DLGAP4: variants seen among roughly 807,000 people sequenced by gnomAD.
DLGAP4 encodes DLG associated protein 4.
A neutral mutation model predicts 86.9 loss-of-function variants in DLGAP4; 18 were observed. That is an observed-to-expected ratio of 0.21 (90% CI 0.14 to 0.31). The LOEUF is 0.31. DLGAP4 is among the 10% of genes least tolerant of loss of function. The probability of loss-of-function intolerance (pLI) is 1.00; values close to 1 mark genes in which losing one functional copy is unlikely to be tolerated. For synonymous variants in DLGAP4, 548 were observed against 574.3 expected (o/e 0.95, Z 0.65); for missense variants, 1,085 against 1,362.6 (o/e 0.80, Z 3.21).
chr20:36,403,446 C>T (rs6031798), intron 2 of DLGAP4, among the ~76,000 whole-genome samples: 8,003 of 152,242 alleles, frequency 0.053, 669 homozygotes, highest in African/African-American at 0.18. Flanking sequence ...TAGCAGAATG[C>T]AATCCCTGCA....
Position 36,500,419 on chromosome 20 carries a change from G to T in DLGAP4, c.2320G>T (p.Ala774Ser). ...YGDNSDPALEASSLPPPDPWL... is the reference protein window; with the variant it reads ...YGDNSDPALESSSLPPPDPWL... ...AGACAACAGCGACCCTGCCCTAGAG[G>T]CGTCCTCGCTGCCCCCACCCGACCC... The change falls in exon 10 of 13, where the codon GCG (alanine) becomes TCG (serine). Residue 774 changes from alanine (A) to serine (S), a missense_variant. This residue lies in a region of DLGAP4 where 1,082 missense variants were observed against 1,344.1 expected (regional missense o/e 0.81). Transcript: ENST00000339266. This position sits in a 1 kb window ranked among gnomAD's most constrained non-coding sequence, Gnocchi z 4.6. 1 of 1,580,148 alleles carries T rather than the reference G, an allele frequency of 6.3e-7. No homozygotes were observed. Among genetic ancestry groups the T allele is most frequent in the Non-Finnish European group, 8.6e-7 (1 of 1,160,678 alleles).
intron 6 of DLGAP4, 38 bp downstream of exon 6, chr20:36,442,815 G>A: frequency 4.3e-6 from 7 of 1,613,992 alleles, no homozygotes; most frequent in Non-Finnish European, 5.9e-6. Flanking sequence ...CCCAATCCCA[G>A]AGTGTAGGCC....
chr20:36,408,223 A>T (rs1052159136), intron 2 of DLGAP4, among the ~76,000 whole-genome samples: 4 of 151,972 alleles, frequency 2.6e-5, no homozygotes, highest in African/African-American at 7.2e-5. Context: ...CCCGGAAACT[A>T]TGGTAGGGGA....
intron 2 of DLGAP4, among the ~76,000 whole-genome samples, chr20:36,374,811 T>C (rs563440842): frequency 6.6e-6 from 1 of 152,314 alleles, no homozygotes; most frequent in African/African-American, 2.4e-5. Flanking sequence ...TTAGAAAGCT[T>C]TTTCACAGGA....
intron 10 of DLGAP4, among the ~76,000 whole-genome samples, chr20:36,512,120 G>T (rs187168773): frequency 7.0e-6 from 1 of 143,380 alleles, no homozygotes; most frequent in Non-Finnish European, 1.5e-5. Context: ...GCGTGATCTC[G>T]GCTCACTGCA....
intron 1 of DLGAP4, among the ~76,000 whole-genome samples, chr20:36,319,619 A>AG (rs2065145844): frequency 6.6e-6 from 1 of 152,190 alleles, no homozygotes. Flanking sequence ...CCCATCTCAC[A>AG]GAGGTGGGAA....
chr20:36,446,881 A>T lies in DLGAP4; in HGVS notation c.1592A>T (p.Gln531Leu). 4 of 1,613,366 alleles carry T rather than the reference A, an allele frequency of 2.5e-6. No homozygotes were observed. Among genetic ancestry groups the T allele is most frequent in the Non-Finnish European group, 3.4e-6 (4 of 1,179,934 alleles). ...CSQEEDSVSLQSLSPPPSTGS... is the reference protein window; with the variant it reads ...CSQEEDSVSLLSLSPPPSTGS... ...CAGGAGGAGGACAGTGTCTCCCTGC[A>T]GTCCCTCTCCCCACCGCCCAGTACC... Residue 531 changes from glutamine (Q) to leucine (L), a missense_variant, in exon 7 of 13, where the codon CAG (glutamine) becomes CTG (leucine). Around this residue, in one of 2 missense-constraint regions of DLGAP4, gnomAD observed 1,082 missense variants for 1,344.1 expected, o/e 0.81. Coordinates refer to ENST00000339266, the MANE Select transcript of DLGAP4 (RefSeq NM_001365621.2).
chr20:36,394,184 G>A (rs1372750920), intron 2 of DLGAP4, among the ~76,000 whole-genome samples: 1 of 152,186 alleles, frequency 6.6e-6, no homozygotes, highest in South Asian at 2.1e-4. Context: ...TCCGTGTGAA[G>A]TGCTCTCCTC....
intron 1 of DLGAP4, among the ~76,000 whole-genome samples, chr20:36,360,762 GGGGAGGGATGGCGGCA>G (rs2147402960): frequency 6.6e-6 from 1 of 152,078 alleles, no homozygotes; most frequent in South Asian, 2.1e-4. Flanking sequence ...GGCTGGACAT[GGGGAGGGATGGCGGCA>G]GGGAGGGGTC....
At chr20:36,471,156 C>T (rs544800782) in intron 7 of DLGAP4, among the ~76,000 whole-genome samples, 1 of 152,292 alleles carries the variant, frequency 6.6e-6, no homozygotes, top group African/African-American at 2.4e-5. Context: ...TCGTGCTGCA[C>T]CTGCTTAGCA....
chr20:36,367,607 T>C (rs2030738128), intron 2 of DLGAP4, among the ~76,000 whole-genome samples: 1 of 152,148 alleles, frequency 6.6e-6, no homozygotes, highest in East Asian at 1.9e-4. Context: ...GGACAGGTTG[T>C]GCACATAGGC....
intron 7 of DLGAP4, among the ~76,000 whole-genome samples, chr20:36,454,136 G>A (rs773535197): frequency 2.7e-5 from 4 of 150,282 alleles, no homozygotes; most frequent in Non-Finnish European, 4.4e-5. Context: ...CTGGGCGCCT[G>A]TAATCCTAGC....
At chr20:36,420,033 T>C (rs2032777501) in intron 2 of DLGAP4, among the ~76,000 whole-genome samples, 1 of 152,072 alleles carries the variant, frequency 6.6e-6, no homozygotes, top group Non-Finnish European at 1.5e-5. Flanking sequence ...AAGCACCTGG[T>C]ATACAATAAG....
intron 1 of DLGAP4, among the ~76,000 whole-genome samples, chr20:36,320,445 G>A (rs1298059165): frequency 6.6e-6 from 1 of 152,052 alleles, no homozygotes; most frequent in Non-Finnish European, 1.5e-5. Flanking sequence ...CCCTTGCCCT[G>A]GTGGACTCCC....
chr20:36,340,602 G>A (rs983734849), intron 1 of DLGAP4, among the ~76,000 whole-genome samples: 2 of 152,138 alleles, frequency 1.3e-5, no homozygotes, highest in African/African-American at 4.8e-5. Flanking sequence ...CCAGGGAAAT[G>A]GCCACATCAG....
chr20:36,420,542 G>T (rs561336093), intron 2 of DLGAP4, among the ~76,000 whole-genome samples: 39 of 152,266 alleles, frequency 2.6e-4, no homozygotes, highest in African/African-American at 8.7e-4. Context: ...AAAGCCAGAA[G>T]AAGACTGGTT....
At chr20:36,448,604 G>T (rs1439160543) in intron 7 of DLGAP4, among the ~76,000 whole-genome samples, 1 of 152,078 alleles carries the variant, frequency 6.6e-6, no homozygotes, top group African/African-American at 2.4e-5. Context: ...TGTTATTGTT[G>T]GTTCTCAGAC....
chr20:36,499,456 A>T, intron 8 of DLGAP4, 132 bp from the exon 9 acceptor site: 1 of 1,342,582 alleles, frequency 7.4e-7, no homozygotes, highest in Non-Finnish European at 1.0e-6. Flanking sequence ...CAGTGTCCGC[A>T]TGCCTCGTGT....
rs200934052 is a variant in DLGAP4, at chr20:36,499,264, C to A, written c.2011-324C>A. 111 of 1,613,550 alleles carry A rather than the reference C, an allele frequency of 6.9e-5. No individual in the cohort carries two copies. In the Middle Eastern group the frequency reaches 2.6e-3, roughly 38 times the overall value. On this transcript the variant is annotated intron_variant, in intron 8 of 12. Coordinates refer to ENST00000339266, the MANE Select transcript of DLGAP4 (RefSeq NM_001365621.2). ...AAGGAGAGGACTAGAAGGAACGGTT[C>A]CCACCTCTCGGAGGACAACGGACCC...
Sources: allele counts gnomAD v4.1 joint callset (sites outside exome capture counted in the v4.1 genomes callset), GRCh38; gene constraint gnomAD v4.1.1; regional missense constraint gnomAD v4.1.1; non-coding constraint Gnocchi (gnomAD v3.1); transcripts MANE v1.5; gene names NCBI Gene and HGNC (gene_info 2026-07-23, HGNC 2026-07-21).